Variants in DACH2 observed in about 807,000 individuals in gnomAD.
The protein encoded by DACH2 is dachshund homolog 2.
Under a neutral mutation model 35.8 loss-of-function variants are expected in DACH2, and 17 were observed. The ratio of observed to expected loss-of-function variants is 0.48; its 90% CI spans 0.33 to 0.71. The LOEUF (loss-of-function observed/expected upper bound fraction) is 0.71, where lower values mean the gene tolerates loss of function less well. Ranked by LOEUF, DACH2 falls within the 30% of genes least tolerant of loss-of-function variation. DACH2 has a pLI of 0.02. For missense variants in DACH2, 469 were observed against 472.7 expected (o/e 0.99, Z 0.07); for synonymous variants, 195 against 177.3 (o/e 1.10, Z -0.79).
At chrX:86,540,646 G>C (rs1266282393) in intron 3 of DACH2, among the ~76,000 whole-genome samples, 1 of 111,950 alleles carries the variant, frequency 8.9e-6, no homozygotes, top group Non-Finnish European at 1.9e-5. Context: ...CACAGGAAGA[G>C]TTATTTATTT....
At chrX:86,162,167 C>A (rs931711971) in intron 1 of DACH2, among the ~76,000 whole-genome samples, 6 of 109,125 alleles carry the variant, frequency 5.5e-5, no homozygotes, top group Non-Finnish European at 1.1e-4. Flanking sequence ...TTTTTGAGGT[C>A]TTTCTCTACA....
intron 2 of DACH2, among the ~76,000 whole-genome samples, chrX:86,489,847 T>C (rs192724203): frequency 1.8e-5 from 2 of 111,867 alleles, no homozygotes; most frequent in East Asian, 5.6e-4. Flanking sequence ...AAAATTACTC[T>C]GGATAAAATT....
intron 6 of DACH2, among the ~76,000 whole-genome samples, chrX:86,718,914 T>G (rs2041367926): frequency 8.9e-6 from 1 of 112,162 alleles, no homozygotes; most frequent in Non-Finnish European, 1.9e-5. Flanking sequence ...GGTAATGAGA[T>G]GCCTCCAGCC....
At chrX:86,797,565 A>ATGG (rs1199440556) in intron 7 of DACH2, among the ~76,000 whole-genome samples, 4 of 111,695 alleles carry the variant, frequency 3.6e-5, no homozygotes, top group Non-Finnish European at 7.5e-5. Flanking sequence ...AATATTTGTA[A>ATGG]CAATAGTAAG....
intron 3 of DACH2, among the ~76,000 whole-genome samples, chrX:86,537,302 C>A (rs987378395): frequency 1.8e-5 from 2 of 111,136 alleles, no homozygotes; most frequent in African/African-American, 6.5e-5. Flanking sequence ...CCCAAGCATG[C>A]CCCAGGACTC....
intron 1 of DACH2, among the ~76,000 whole-genome samples, chrX:86,207,118 C>A (rs1385196611): frequency 1.8e-5 from 2 of 111,109 alleles, no homozygotes; most frequent in Non-Finnish European, 1.9e-5. Context: ...CCATTTCAAT[C>A]ATGAAGAATC....
intron 3 of DACH2, among the ~76,000 whole-genome samples, chrX:86,528,813 ATAT>A (rs1392580547): frequency 3.6e-5 from 4 of 112,468 alleles, no homozygotes; most frequent in Non-Finnish European, 7.5e-5. Context: ...TTTTTAAAAT[ATAT>A]TATACTTGTA....
intron 1 of DACH2, among the ~76,000 whole-genome samples, chrX:86,265,677 G>A (rs1041651326): frequency 9.9e-5 from 11 of 111,591 alleles, no homozygotes; most frequent in Non-Finnish European, 1.9e-4. Flanking sequence ...GTTGGTGCCT[G>A]TTAAAGCATA....
intron 2 of DACH2, among the ~76,000 whole-genome samples, chrX:86,377,826 T>C (rs2035991425): frequency 9.0e-6 from 1 of 110,558 alleles, no homozygotes; most frequent in Non-Finnish European, 1.9e-5. Flanking sequence ...ACTATGGTGG[T>C]GTTTCTAGTA....
chrX:86,505,289 TACAC>T (rs1234079228), intron 2 of DACH2, among the ~76,000 whole-genome samples: 1 of 112,010 alleles, frequency 8.9e-6, no homozygotes, highest in Non-Finnish European at 1.9e-5. Flanking sequence ...TGTGGTAAAA[TACAC>T]ATAACATAAA....
chrX:86,785,070 C>A (rs1392403968), intron 7 of DACH2, among the ~76,000 whole-genome samples: 1 of 110,459 alleles, frequency 9.1e-6, no homozygotes, highest in Non-Finnish European at 1.9e-5. Flanking sequence ...CACTCCAAAC[C>A]CCCATGACAT....
At chrX:86,191,527 C>T (rs2031834101) in intron 1 of DACH2, among the ~76,000 whole-genome samples, 1 of 111,478 alleles carries the variant, frequency 9.0e-6, no homozygotes, top group South Asian at 3.8e-4. Flanking sequence ...CTATAAGGTA[C>T]TATACTTATT....
At chrX:86,228,451 GAA>G (rs776077441) in intron 1 of DACH2, among the ~76,000 whole-genome samples, 2 of 93,172 alleles carry the variant, frequency 2.1e-5, no homozygotes, top group Admixed American at 1.1e-4. Context: ...GGGTAAAGAG[GAA>G]AAAAAAAAAA....
intron 5 of DACH2, among the ~76,000 whole-genome samples, chrX:86,707,644 C>T (rs5923606): frequency 0.27 from 29,499 of 109,551 alleles, 3,332 homozygotes; most frequent in Middle Eastern, 0.43. Context: ...CGCCCAGGCG[C>T]GGTGGCCCAC....
At chrX:86,504,516 T>TTTA (rs2038296317) in intron 2 of DACH2, among the ~76,000 whole-genome samples, 1 of 98,635 alleles carries the variant, frequency 1.0e-5, no homozygotes, top group Non-Finnish European at 2.2e-5. Context: ...TTATTTATTT[T>TTTA]AAAATTTCCG....
chrX:86,544,121 A>G (rs1228458328), intron 3 of DACH2, among the ~76,000 whole-genome samples: 1 of 111,673 alleles, frequency 9.0e-6, no homozygotes, highest in African/African-American at 3.3e-5. Flanking sequence ...AAGAAGAATG[A>G]ACAAAATCTC....
At chrX:86,354,844 A>C (rs2035614991) in intron 1 of DACH2, among the ~76,000 whole-genome samples, 1 of 99,049 alleles carries the variant, frequency 1.0e-5, no homozygotes, top group Non-Finnish European at 2.0e-5. Context: ...AAAAAAAAAT[A>C]AATGAAAAAA....
chrX:86,747,234 A>G (rs778668852), intron 7 of DACH2, among the ~76,000 whole-genome samples: 9 of 111,888 alleles, frequency 8.0e-5, no homozygotes, highest in Non-Finnish European at 1.3e-4. Context: ...TGGAATTACA[A>G]CAAGGATTCT....
intron 1 of DACH2, among the ~76,000 whole-genome samples, chrX:86,346,627 G>A (rs1016914209): frequency 3.6e-5 from 4 of 111,332 alleles, no homozygotes; most frequent in Non-Finnish European, 5.7e-5. Context: ...TTATTTTCTC[G>A]CTATATATTC....
Sources: gnomAD v4.1 joint callset for allele counts (sites outside exome capture counted in the v4.1 genomes callset) on GRCh38, gnomAD v4.1.1 for gene constraint, MANE v1.5 for transcripts, NCBI Gene and HGNC (gene_info 2026-07-23, HGNC 2026-07-21) for gene names.